The following GABBR2 variants were observed in gnomAD, a reference collection of about 807,000 sequenced individuals.
GABBR2 encodes the protein gamma-aminobutyric acid type B receptor subunit 2.
In GABBR2, 23 loss-of-function variants were observed where a neutral mutation model predicts 105.6. That is an observed-to-expected ratio of 0.22 (90% confidence interval 0.16 to 0.31). The LOEUF is 0.31. Ranked by LOEUF, GABBR2 falls within the 10% of genes least tolerant of loss-of-function variation. The pLI is 1.00. For missense variants in GABBR2, 734 were observed against 1,245.5 expected, an observed-to-expected ratio of 0.59 and a Z score of 6.18; for synonymous variants, 478 against 499.7, an observed-to-expected ratio of 0.96 and a Z score of 0.58.
At chr9:98,332,064 T>G (rs1831036642) in intron 13 of GABBR2, among the ~76,000 whole-genome samples, 1 of 152,168 alleles carries the variant, frequency 6.6e-6, no homozygotes, top group African/African-American at 2.4e-5. Context: ...ACAGTCAGCA[T>G]GGGGTATGAA....
At chr9:98,353,247 G>A (rs1042016278) in intron 13 of GABBR2, among the ~76,000 whole-genome samples, 3 of 152,112 alleles carry the variant, frequency 2.0e-5, no homozygotes, top group Non-Finnish European at 2.9e-5. Context: ...GGTGTATCTT[G>A]TTAAAGTTTT....
At chr9:98,526,503 C>T (rs1827963716) in intron 3 of GABBR2, among the ~76,000 whole-genome samples, 2 of 152,242 alleles carry the variant, frequency 1.3e-5, no homozygotes, top group African/African-American at 4.8e-5. Context: ...CTTCACCACT[C>T]TCTGCATGGG....
intron 2 of GABBR2, among the ~76,000 whole-genome samples, chr9:98,557,950 A>G (rs1445510048): frequency 1.3e-5 from 2 of 152,186 alleles, no homozygotes; most frequent in African/African-American, 4.8e-5. Context: ...ACCAGAATAT[A>G]TGGTCCTTAG....
At chr9:98,305,885 A>G (rs181577825) in intron 15 of GABBR2, among the ~76,000 whole-genome samples, 2 of 152,278 alleles carry the variant, frequency 1.3e-5, no homozygotes, top group African/African-American at 4.8e-5. Flanking sequence ...TTAACAGTAA[A>G]GAACACCCCA....
intron 1 of GABBR2, among the ~76,000 whole-genome samples, chr9:98,606,484 T>C (rs1389259147): frequency 2.0e-4 from 4 of 20,334 alleles, no homozygotes; most frequent in Non-Finnish European, 4.5e-4. Flanking sequence ...TTTTTTTTTC[T>C]TTTTTTTTTT....
chr9:98,301,380 A>G (rs982996030), intron 16 of GABBR2, among the ~76,000 whole-genome samples: 9 of 152,260 alleles, frequency 5.9e-5, no homozygotes, highest in Non-Finnish European at 1.2e-4. Context: ...ATTTGGTCAC[A>G]GAAGTCTTCT....
At chr9:98,693,942 C>A (rs542145266) in intron 1 of GABBR2, among the ~76,000 whole-genome samples, 1 of 152,364 alleles carries the variant, frequency 6.6e-6, no homozygotes, top group Non-Finnish European at 1.5e-5. Flanking sequence ...AGGAGCCTGG[C>A]TGCTCTCCTT....
chr9:98,379,136 G>T (rs1174521320), intron 11 of GABBR2, among the ~76,000 whole-genome samples: 1 of 152,208 alleles, frequency 6.6e-6, no homozygotes, highest in African/African-American at 2.4e-5. Flanking sequence ...GCAACCACCA[G>T]CTTGGCTTTG....
At chr9:98,391,525 G>C (rs1032493865) in intron 9 of GABBR2, among the ~76,000 whole-genome samples, 1 of 152,192 alleles carries the variant, frequency 6.6e-6, no homozygotes, top group African/African-American at 2.4e-5. Flanking sequence ...AGGGAGCAGA[G>C]TGCAGTCCTG....
At position 98,303,436 on chromosome 9, in the gene GABBR2, AG is replaced by A; in HGVS notation, c.2230-14del. 2 of 1,612,672 alleles carry A rather than the reference AG, an allele frequency of 1.2e-6. No homozygotes were observed. Among genetic ancestry groups the A allele is most frequent in the Non-Finnish European group, 1.7e-6 (2 of 1,179,090 alleles). On this transcript the variant is annotated splice_polypyrimidine_tract_variant and intron_variant, in intron 15 of 18. Transcript: ENST00000259455. ...TCAGGGTGATGAGCTGAAAGGACAA[AG>A]GTTGGGGCGGGGTTGAAGAGAGAGC... is the stretch of plus-strand genomic sequence containing the variant.
rs149511264 is a variant in GABBR2 at position 98,659,526 on chromosome 9, C to CTT, written c.321+48889_321+48890dup. ...AACCTTTTTTCTTTTCTTTTCTTTT[C>CTT]TTTTTTTTTTTTTTTGACTGAGTCT... On this transcript the variant is annotated intron_variant, in intron 1 of 18. Transcript: ENST00000259455. Among the ~76,000 whole-genome samples, 63 of 35,184 alleles carry CTT rather than the reference C, an allele frequency of 1.8e-3. 1 individual carries two copies. Among genetic ancestry groups the CTT allele is most frequent in the East Asian group, 7.2e-3 (6 of 834 alleles). The allele number at this position is 35,184 out of a possible 152,430, so 23.1% of individuals were successfully genotyped here. A position where few individuals can be genotyped will look rare whatever the true frequency, so the allele number is the denominator to read the frequency against.
intron 13 of GABBR2, among the ~76,000 whole-genome samples, chr9:98,349,344 GTTTTGTTTTTTTTT>G (rs537334058): frequency 0.021 from 2,259 of 105,424 alleles, 193 homozygotes; most frequent in African/African-American, 0.086. Context: ...TTTTGTTGAA[GTTTTGTTTTTTTTT>G]TTTTTTTTTT....
At chr9:98,523,961 T>C (rs546581749) in intron 3 of GABBR2, among the ~76,000 whole-genome samples, 2 of 151,154 alleles carry the variant, frequency 1.3e-5, no homozygotes, top group East Asian at 3.9e-4. Context: ...GCAAACTATC[T>C]AATCAAGGGG....
At chr9:98,606,486 T>TC (rs927067115) in intron 1 of GABBR2, among the ~76,000 whole-genome samples, 3 of 132,056 alleles carry the variant, frequency 2.3e-5, no homozygotes, top group Admixed American at 2.2e-4. Flanking sequence ...TTTTTTTCTT[T>TC]TTTTTTTTTT....
At chr9:98,531,119 C>T (rs745835712) in intron 3 of GABBR2, among the ~76,000 whole-genome samples, 5 of 152,160 alleles carry the variant, frequency 3.3e-5, no homozygotes, top group Admixed American at 3.3e-4. Context: ...CCAGGATCCT[C>T]ACAGCTTGAG....
chr9:98,551,378 C>T (rs1014219028), intron 2 of GABBR2, among the ~76,000 whole-genome samples: 7 of 152,082 alleles, frequency 4.6e-5, no homozygotes, highest in Non-Finnish European at 7.4e-5. Flanking sequence ...ACTCCAGCCT[C>T]GGCGAGTGAA....
chr9:98,524,547 A>T (rs1827924133), intron 3 of GABBR2, among the ~76,000 whole-genome samples: 1 of 152,200 alleles, frequency 6.6e-6, no homozygotes, highest in Admixed American at 6.5e-5. Flanking sequence ...GACCCCCTTC[A>T]TGGAAACTTG....
At position 98,438,339 on chromosome 9, in the gene GABBR2, C is replaced by T. The variant is rs537521047; in HGVS notation, c.1236+15642G>A. 4.6e-5 allele frequency among the ~76,000 whole-genome samples: 7 copies of T among 152,250 alleles called. No individual in the cohort carries two copies. The East Asian group carries it at 1.2e-3, about 25-fold the overall frequency. Reference sequence around the variant, plus strand: ...ACCCATCCCCCAACCCATGTCTCCACCACTCTACCCATCTGCCCATACATT... The same window carrying T: ...ACCCATCCCCCAACCCATGTCTCCATCACTCTACCCATCTGCCCATACATT... On this transcript the variant is annotated intron_variant, in intron 7 of 18. Transcript: ENST00000259455.
At chr9:98,364,912 T>G (rs1831649761) in intron 12 of GABBR2, among the ~76,000 whole-genome samples, 2 of 152,186 alleles carry the variant, frequency 1.3e-5, no homozygotes, top group African/African-American at 2.4e-5. Context: ...GGGCAGTGGA[T>G]TTCTAAAGTA....
Sources: allele counts gnomAD v4.1 joint callset (sites outside exome capture counted in the v4.1 genomes callset), GRCh38; gene constraint gnomAD v4.1.1; transcripts MANE v1.5; gene names NCBI Gene and HGNC (gene_info 2026-07-23, HGNC 2026-07-21).